The following GLIS1 variants were observed in gnomAD, a reference collection of about 807,000 sequenced individuals.
GLIS1 encodes zinc finger protein GLIS1.
Under a neutral mutation model 63.8 loss-of-function variants are expected in GLIS1, and 24 were observed. That is an observed-to-expected ratio of 0.38 (90% confidence interval 0.27 to 0.53). The LOEUF (loss-of-function observed/expected upper bound fraction) is 0.53, where lower values mean the gene tolerates loss of function less well. Among genes scored for constraint, GLIS1 ranks in the 20% least tolerant of loss-of-function variants. The pLI is 0.85. For missense variants in GLIS1, 1,036 were observed against 1,074.1 expected (o/e 0.96, Z 0.50); for synonymous variants, 450 against 482.5 (o/e 0.93, Z 0.88).
At chr1:53,633,787 A>C (rs1351952111) in intron 2 of GLIS1, among the ~76,000 whole-genome samples, 1 of 152,036 alleles carries the variant, frequency 6.6e-6, no homozygotes, top group African/African-American at 2.4e-5. Flanking sequence ...CAGGTGTGAG[A>C]ATCAAAAATG....
intron 2 of GLIS1, among the ~76,000 whole-genome samples, chr1:53,652,885 CATT>C (rs1645924220): frequency 6.6e-6 from 1 of 152,202 alleles, no homozygotes; most frequent in Admixed American, 6.5e-5. Flanking sequence ...CTGGGAAAGC[CATT>C]GAACATCTCA....
chr1:53,699,914 C>T (rs1349665350), intron 2 of GLIS1, among the ~76,000 whole-genome samples: 3 of 152,156 alleles, frequency 2.0e-5, no homozygotes, highest in Non-Finnish European at 4.4e-5. Flanking sequence ...CTCCAAATGC[C>T]ATCATATTGG....
chr1:53,679,009 G>A (rs1201134954), intron 2 of GLIS1, among the ~76,000 whole-genome samples: 1 of 152,126 alleles, frequency 6.6e-6, no homozygotes, highest in African/African-American at 2.4e-5. Flanking sequence ...AGCCTGGGAG[G>A]TCACCCCCCA....
At chr1:53,693,108 A>G (rs1230916238) in intron 2 of GLIS1, among the ~76,000 whole-genome samples, 1 of 152,226 alleles carries the variant, frequency 6.6e-6, no homozygotes, top group African/African-American at 2.4e-5. Context: ...AGGGCAAAGT[A>G]CATTCCACTC....
At chr1:53,699,051 T>C (rs975322452) in intron 2 of GLIS1, among the ~76,000 whole-genome samples, 2 of 150,566 alleles carry the variant, frequency 1.3e-5, no homozygotes, top group African/African-American at 4.9e-5. Context: ...TTTTTGTTTG[T>C]TTGTTTTTTA....
chr1:53,655,222 C>A (rs1439013367), intron 2 of GLIS1, among the ~76,000 whole-genome samples: 1 of 152,164 alleles, frequency 6.6e-6, no homozygotes, highest in Non-Finnish European at 1.5e-5. Context: ...TTAAAAACCT[C>A]CTGTAACCCC....
chr1:53,714,907 A>ATTTATT (rs1646682403), intron 2 of GLIS1, among the ~76,000 whole-genome samples: 2 of 152,254 alleles, frequency 1.3e-5, no homozygotes, highest in East Asian at 3.9e-4. Flanking sequence ...CTTTTCTTAA[A>ATTTATT]TTTATTTTTA....
At chr1:53,551,552 C>T (rs975889328) in intron 4 of GLIS1, among the ~76,000 whole-genome samples, 8 of 152,170 alleles carry the variant, frequency 5.3e-5, no homozygotes, top group African/African-American at 1.2e-4. Context: ...AACGTCAGGT[C>T]GGTTGCTTAG....
At chr1:53,608,111 G>GTGTA (rs1645390337) in intron 2 of GLIS1, among the ~76,000 whole-genome samples, 1 of 152,104 alleles carries the variant, frequency 6.6e-6, no homozygotes, top group Non-Finnish European at 1.5e-5. Context: ...GACTACAGAT[G>GTGTA]TGTACCACCA....
intron 2 of GLIS1, among the ~76,000 whole-genome samples, chr1:53,638,146 C>T (rs1445982140): frequency 2.6e-5 from 4 of 152,178 alleles, no homozygotes; most frequent in Non-Finnish European, 5.9e-5. Flanking sequence ...AGAGGCCACA[C>T]GGTGTAAGGG....
intron 2 of GLIS1, among the ~76,000 whole-genome samples, chr1:53,680,912 A>G (rs1304154358): frequency 6.6e-6 from 1 of 152,246 alleles, no homozygotes; most frequent in Non-Finnish European, 1.5e-5. Context: ...CACTGTGCCC[A>G]AGGTGAACTT....
intron 2 of GLIS1, among the ~76,000 whole-genome samples, chr1:53,690,280 C>G (rs760921547): frequency 5.3e-5 from 8 of 152,272 alleles, no homozygotes; most frequent in Non-Finnish European, 8.8e-5. Context: ...GGATGGCTCA[C>G]TGCCCCAGGC....
chr1:53,573,689 G>A (rs976253887), intron 4 of GLIS1, among the ~76,000 whole-genome samples: 1 of 152,218 alleles, frequency 6.6e-6, no homozygotes, highest in Non-Finnish European at 1.5e-5. Context: ...TAGAGACGTG[G>A]TGTGAGGAGC....
At chr1:53,535,052 G>T (rs1456779277) in intron 4 of GLIS1, among the ~76,000 whole-genome samples, 1 of 152,012 alleles carries the variant, frequency 6.6e-6, no homozygotes, top group Non-Finnish European at 1.5e-5. Context: ...GAAGAGGTGG[G>T]ATATGTTCTG....
chr1:53,695,997 CGCAGTCAGCAGGCT>C (rs1173673018), intron 2 of GLIS1, among the ~76,000 whole-genome samples: 1 of 152,170 alleles, frequency 6.6e-6, no homozygotes. Context: ...CAGGCAGACT[CGCAGTCAGCAGGCT>C]GCACTCCAAG....
At chr1:53,602,965 C>G (rs968904124) in intron 2 of GLIS1, among the ~76,000 whole-genome samples, 1 of 152,188 alleles carries the variant, frequency 6.6e-6, no homozygotes, top group Non-Finnish European at 1.5e-5. Context: ...CCCGCTCCAT[C>G]GACAGATGAG....
chr1:53,646,766 C>T lies in GLIS1; in HGVS notation c.260-46488G>A, dbSNP rs912779595. Among the ~76,000 whole-genome samples the T allele has an allele frequency of 5.3e-5, 8 of 151,614 alleles. No individual in the cohort carries two copies. Among genetic ancestry groups the T allele is most frequent in the Admixed American group, 2.0e-4 (3 of 15,212 alleles). ...CAGAGGTTGCAGTGAGTAGAGATCACACCACTGCATTCCAGCCTGGGCAAC... is the reference window on the plus strand; with the variant it reads ...CAGAGGTTGCAGTGAGTAGAGATCATACCACTGCATTCCAGCCTGGGCAAC... On this transcript the variant is annotated intron_variant, in intron 2 of 10. Transcript: ENST00000628545. This position sits in a 1 kb window ranked among gnomAD's most constrained non-coding sequence, Gnocchi z 4.2.
chr1:53,573,506 T>C (rs1156338257), intron 4 of GLIS1, among the ~76,000 whole-genome samples: 1 of 152,152 alleles, frequency 6.6e-6, no homozygotes, highest in Non-Finnish European at 1.5e-5. Flanking sequence ...ACCTACGTTG[T>C]ATGGACACAC....
intron 2 of GLIS1, among the ~76,000 whole-genome samples, chr1:53,616,113 C>A (rs1415843794): frequency 1.3e-5 from 2 of 152,176 alleles, no homozygotes; most frequent in Non-Finnish European, 2.9e-5. Context: ...CATGATCCCA[C>A]AAATCTGTCA....
Sources: gnomAD v4.1 joint callset for allele counts (sites outside exome capture counted in the v4.1 genomes callset) on GRCh38, gnomAD v4.1.1 for gene constraint, Gnocchi (gnomAD v3.1) non-coding constraint, MANE v1.5 for transcripts, NCBI Gene and HGNC (gene_info 2026-07-23, HGNC 2026-07-21) for gene names.